Variants in NEU4 observed in about 807,000 individuals in gnomAD.
The protein encoded by NEU4 is sialidase-4.
NEU4 carries 7 observed loss-of-function variants against 9.9 expected under a neutral mutation model. That is an observed-to-expected ratio of 0.71 (90% confidence interval 0.40 to 1.33). NEU4 has a LOEUF of 1.33. Ranked by LOEUF, NEU4 falls within the 40% of genes most tolerant of loss-of-function variation. The probability of loss-of-function intolerance (pLI) is 0.01; values close to 1 mark genes in which losing one functional copy is unlikely to be tolerated. For synonymous variants in NEU4, 348 were observed against 316.9 expected (o/e 1.10, Z -1.04); for missense variants, 717 against 712.6 (o/e 1.01, Z -0.07).
intron 1 of NEU4, chr2:241,811,393 C>T (rs763058121): frequency 7.9e-6 from 12 of 1,524,226 alleles, no homozygotes; most frequent in African/African-American, 4.2e-5. Flanking sequence ...ACAGTGGGCC[C>T]TTGTCTCTGC....
chr2:241,815,443 G>A, intron 3 of NEU4: 1 of 223,812 alleles, frequency 4.5e-6, no homozygotes, highest in South Asian at 3.1e-5. Flanking sequence ...CCAGGCAAAT[G>A]GGTATTGATC....
At position 241,814,930 on chromosome 2, in the gene NEU4, G is replaced by A. The variant is rs749929926; in HGVS notation, c.240G>A (p.Ala80=). ...ALHVLGTAAL[A]EHRSMNPCPV... The stretch of plus-strand genomic sequence containing the variant: ...ACGTGCTGGGGACAGCAGCCCTGGC[G>A]GAGCACCGGTCCATGAACCCCTGCC... The change falls in exon 3 of 4, where the codon GCG becomes GCA. Residue 80 remains alanine, a synonymous_variant. Transcript: ENST00000407683. The A allele has an allele frequency of 2.0e-5, 33 of 1,611,938 alleles. No individual in the cohort carries two copies. The highest frequency in any genetic ancestry group is 1.6e-4 in the South Asian group (15 of 91,054).
In NEU4 at chr2:241,817,177, C is replaced by T; in HGVS notation, c.*129C>T. ...TCCTGTGGATTAGAAACAAGTTGCT[C>T]CTCAGAGCTCTCAAGCAGGGACTGC... On this transcript the variant is annotated 3_prime_UTR_variant, in exon 4 of 4. Coordinates refer to ENST00000407683, the MANE Select transcript of NEU4 (RefSeq NM_001167600.3). 9.5e-7 allele frequency: 1 copy of T among 1,048,512 alleles called. No individual in the cohort carries two copies. Among genetic ancestry groups the T allele is most frequent in the Middle Eastern group, 2.7e-4 (1 of 3,708 alleles). 65.0% of individuals were successfully genotyped at this position (1,048,512 alleles called of 1,614,324 possible).
Position 241,816,178 on chromosome 2 carries a change from T to G in NEU4, c.585T>G (p.Pro195=), listed in dbSNP as rs746394569. Residue 195 remains proline (P), a synonymous_variant, in exon 4 of 4, where the codon CCT becomes CCG. Coordinates refer to ENST00000407683, the MANE Select transcript of NEU4 (RefSeq NM_001167600.3). ...ECFGKICRTS[P]HSFAFYSDDH... ...TTGGCAAGATCTGCCGGACCAGCCC[T>G]CACTCCTTCGCCTTCTACAGCGATG... The G allele has an allele frequency of 1.9e-6, 3 of 1,612,412 alleles. No individual in the cohort carries two copies. The highest frequency in any genetic ancestry group is 2.5e-6 in the Non-Finnish European group (3 of 1,179,826).
chr2:241,814,154 G>A (rs776221068), intron 1 of NEU4: 8 of 633,434 alleles, frequency 1.3e-5, no homozygotes, highest in South Asian at 4.6e-5. Context: ...GCAGGGTCCC[G>A]GGGGCTCTCT....
chr2:241,814,416 A>C, intron 1 of NEU4, 66 bp from the exon 2 acceptor site: 1 of 1,490,562 alleles, frequency 6.7e-7, no homozygotes, highest in South Asian at 1.2e-5. Context: ...CCCAGTCCAG[A>C]CCGGGAGCGA....
chr2:241,813,109 C>T (rs1364111536), intron 1 of NEU4, among the ~76,000 whole-genome samples: 2 of 152,140 alleles, frequency 1.3e-5, no homozygotes, highest in Non-Finnish European at 2.9e-5. Context: ...AACCGGTGGC[C>T]CAGGGCAGAG....
In NEU4 at chr2:241,816,321, G is replaced by T; in HGVS notation, c.728G>T (p.Ser243Ile). The change falls in exon 4 of 4, where the codon AGC becomes ATC. Residue 243 changes from serine (S) to isoleucine (I), a missense_variant. Ser to Ile is a moderately radical substitution (Grantham distance 142). Transcript: ENST00000407683. ...AGSFLYCNARSPLGSRVQALS... is the reference protein window; with the variant it reads ...AGSFLYCNARIPLGSRVQALS... ...AGCTTCCTCTACTGCAATGCCCGGA[G>T]CCCACTGGGCAGCCGTGTGCAGGCG... 1 of 1,577,252 alleles carries T rather than the reference G, an allele frequency of 6.3e-7. No individual in the cohort carries two copies. Among genetic ancestry groups the T allele is most frequent in the Non-Finnish European group, 8.6e-7 (1 of 1,163,808 alleles).
intron 1 of NEU4, chr2:241,814,120 C>G (rs773192328): frequency 1.7e-6 from 1 of 587,162 alleles, no homozygotes; most frequent in African/African-American, 1.8e-5. Context: ...TCTGGGATGA[C>G]CCTGTGTCCT....
intron 1 of NEU4, chr2:241,811,576 C>G (rs1435612312): frequency 2.2e-6 from 2 of 921,082 alleles, no homozygotes; most frequent in African/African-American, 3.4e-5. Flanking sequence ...TCTGGGGGTG[C>G]TGGACGAGTC....
intron 1 of NEU4, chr2:241,809,623 G>T (rs1443625577): frequency 1.9e-5 from 5 of 259,654 alleles, no homozygotes; most frequent in Non-Finnish European, 3.8e-5. Context: ...GGGCCATGGG[G>T]TGACAGTTGG....
Position 241,814,551 on chromosome 2 carries a change from C to T in NEU4, c.67C>T (p.Arg23Cys), listed in dbSNP as rs374918650. The change falls in exon 2 of 4, where the codon CGC becomes TGC. Residue 23 changes from arginine (R) to cysteine (C), a missense_variant. Coordinates refer to ENST00000407683, the MANE Select transcript of NEU4 (RefSeq NM_001167600.3). ...GCGGGAGAGGACGGGCCTGACCTAC[C>T]GCGTGCCCTCGCTGCTCCCCGTGCC... ...FERERTGLTYRVPSLLPVPPG... is the reference protein window; with the variant it reads ...FERERTGLTYCVPSLLPVPPG... 16 of 1,612,536 alleles carry T rather than the reference C, an allele frequency of 9.9e-6. No individual in the cohort carries two copies. In the African/African-American group the frequency reaches 1.3e-4, roughly 13 times the overall value.
chr2:241,809,622 G>T, intron 1 of NEU4: 1 of 260,534 alleles, frequency 3.8e-6, no homozygotes, highest in Non-Finnish European at 7.5e-6. Context: ...TGGGCCATGG[G>T]GTGACAGTTG....
At chr2:241,810,042 A>AGTTCTG in intron 1 of NEU4, 1 of 152,260 alleles carries the variant, frequency 6.6e-6, no homozygotes, top group Non-Finnish European at 1.5e-5. Flanking sequence ...TGGGCCACCC[A>AGTTCTG]GTTCTGGTTG....
rs143808199 is a variant in NEU4 at position 241,816,007 on chromosome 2, C to T, written c.458-44C>T. On this transcript the variant is annotated intron_variant, in intron 3 of 3. Coordinates refer to ENST00000407683, the MANE Select transcript of NEU4 (RefSeq NM_001167600.3). ...GTGCCTTCCTCCAGCCCCCCGACCTCGGGGACCCAGCAGCCCCTCCCACCT... is the reference window on the plus strand; with the variant it reads ...GTGCCTTCCTCCAGCCCCCCGACCTTGGGGACCCAGCAGCCCCTCCCACCT... The T allele has an allele frequency of 2.4e-3, 3,670 of 1,522,046 alleles. 21 individuals are homozygous for T. The highest frequency in any genetic ancestry group is 0.021 in the African/African-American group (1,511 of 72,898). The allele number at this position is 1,522,046 out of a possible 1,614,324, so 94.3% of individuals were successfully genotyped here. A position where few individuals can be genotyped will look rare whatever the true frequency, so the allele number is the denominator to read the frequency against.
intron 1 of NEU4, among the ~76,000 whole-genome samples, chr2:241,810,148 C>T (rs1467906522): frequency 2.0e-5 from 3 of 152,162 alleles, no homozygotes; most frequent in Admixed American, 1.3e-4. Flanking sequence ...AGGATGTGTA[C>T]GATGGCCAAG....
At chr2:241,813,523 G>A (rs956525611) in intron 1 of NEU4, 45 of 1,226,248 alleles carry the variant, frequency 3.7e-5, no homozygotes, top group Admixed American at 6.4e-5. Context: ...GGCAGGTCCC[G>A]CCTGCAACAA....
At chr2:241,810,738 TGGGGGC>T (rs1700087483) in intron 1 of NEU4, 1 of 156,390 alleles carries the variant, frequency 6.4e-6, no homozygotes, top group Admixed American at 6.7e-5. Context: ...GGGGACAGGC[TGGGGGC>T]AGGCCAGCGT....
At chr2:241,810,681 GCAGGC>G (rs1559425217) in intron 1 of NEU4, 10 of 157,646 alleles carry the variant, frequency 6.3e-5, no homozygotes, top group Non-Finnish European at 1.4e-4. Flanking sequence ...CTCTGAAATG[GCAGGC>G]TGGGGGCAGG....
Sources: gnomAD v4.1 joint callset for allele counts (sites outside exome capture counted in the v4.1 genomes callset) on GRCh38, gnomAD v4.1.1 for gene constraint, MANE v1.5 for transcripts, NCBI Gene and HGNC (gene_info 2026-07-23, HGNC 2026-07-21) for gene names.